EYS: variants seen among roughly 807,000 people sequenced by gnomAD.
The protein encoded by EYS is protein eyes shut homolog.
A neutral mutation model predicts 282.1 loss-of-function variants in EYS; 250 were observed. The ratio of observed to expected loss-of-function variants is 0.89; its 90% CI spans 0.80 to 0.98. The LOEUF (loss-of-function observed/expected upper bound fraction) is 0.98, where lower values mean the gene tolerates loss of function less well. Ranked by LOEUF, EYS falls within the 50% of genes least tolerant of loss-of-function variation. The pLI is 0.00. For missense variants in EYS, 4,016 were observed against 3,709.0 expected, an observed-to-expected ratio of 1.08 and a Z score of -2.15; for synonymous variants, 1,355 against 1,282.9, an observed-to-expected ratio of 1.06 and a Z score of -1.20.
At chr6:65,130,107 A>C (rs1301200196) in intron 12 of EYS, among the ~76,000 whole-genome samples, 1 of 151,722 alleles carries the variant, frequency 6.6e-6, no homozygotes, top group African/African-American at 2.4e-5. Flanking sequence ...GTTAAACATT[A>C]AGTATACATA....
At chr6:65,357,716 T>G (rs1276715585) in intron 8 of EYS, among the ~76,000 whole-genome samples, 1 of 151,986 alleles carries the variant, frequency 6.6e-6, no homozygotes, top group African/African-American at 2.4e-5. Flanking sequence ...AAGTACTATG[T>G]TTTACAAGTA....
intron 13 of EYS, among the ~76,000 whole-genome samples, chr6:65,057,218 A>G (rs1048579463): frequency 2.6e-5 from 4 of 152,092 alleles, no homozygotes; most frequent in Non-Finnish European, 5.9e-5. Context: ...TCAAAGTTGA[A>G]CACTGAAAAA....
intron 30 of EYS, among the ~76,000 whole-genome samples, chr6:64,288,621 G>T (rs1768584342): frequency 6.6e-6 from 1 of 152,070 alleles, no homozygotes; most frequent in South Asian, 2.1e-4. Context: ...TCCTCATATA[G>T]CTCTCTGTCC....
intron 31 of EYS, among the ~76,000 whole-genome samples, chr6:64,118,411 A>G (rs1187618119): frequency 6.6e-6 from 1 of 152,138 alleles, no homozygotes; most frequent in Non-Finnish European, 1.5e-5. Flanking sequence ...GATTTTTGAC[A>G]GCAGCTCCAA....
chr6:63,937,911 C>T (rs1169826891), intron 35 of EYS, among the ~76,000 whole-genome samples: 1 of 152,200 alleles, frequency 6.6e-6, no homozygotes, highest in Non-Finnish European at 1.5e-5. Context: ...GACTAAGACA[C>T]CACTTTCTGA....
intron 36 of EYS, among the ~76,000 whole-genome samples, chr6:63,856,954 A>G (rs1487029198): frequency 6.6e-6 from 1 of 152,188 alleles, no homozygotes; most frequent in Non-Finnish European, 1.5e-5. Flanking sequence ...AGTTCAGGGA[A>G]ATCTTGACAC....
chr6:64,684,097 C>A (rs1769999505), intron 22 of EYS, among the ~76,000 whole-genome samples: 2 of 152,252 alleles, frequency 1.3e-5, no homozygotes, highest in South Asian at 4.1e-4. Context: ...CCTTACAATG[C>A]ATATCTTAAG....
At chr6:65,279,391 A>G (rs776297003) in intron 12 of EYS, among the ~76,000 whole-genome samples, 5 of 152,042 alleles carry the variant, frequency 3.3e-5, no homozygotes, top group Non-Finnish European at 7.4e-5. Flanking sequence ...CTTTCTACTC[A>G]CCATATCATC....
chr6:64,496,537 A>T (rs141486119), intron 26 of EYS, among the ~76,000 whole-genome samples: 1 of 152,024 alleles, frequency 6.6e-6, no homozygotes, highest in Non-Finnish European at 1.5e-5. Context: ...ATTCTATTAT[A>T]TAAGCAGATA....
At chr6:64,238,195 A>G (rs759469562) in intron 30 of EYS, among the ~76,000 whole-genome samples, 1 of 152,150 alleles carries the variant, frequency 6.6e-6, no homozygotes, top group Admixed American at 6.6e-5. Flanking sequence ...CACAGTCACA[A>G]ATAGGATTCC....
chr6:64,070,772 A>AT lies in EYS; in HGVS notation c.6572-4282dup, dbSNP rs546137411. Among the ~76,000 whole-genome samples the AT allele has an allele frequency of 2.4e-3, 361 of 152,160 alleles. 1 individual carries two copies. Among genetic ancestry groups the AT allele is most frequent in the African/African-American group, 8.3e-3 (344 of 41,544 alleles). On this transcript the variant is annotated intron_variant, in intron 32 of 42. Coordinates refer to ENST00000503581, the MANE Select transcript of EYS (RefSeq NM_001142800.2). ...TGAATTTTATTGCATCTCTAAGGACATTTTTTTAAGTGTCCATTTTTGTTT... is the reference window on the plus strand; with the variant it reads ...TGAATTTTATTGCATCTCTAAGGACATTTTTTTTAAGTGTCCATTTTTGTTT...
intron 35 of EYS, among the ~76,000 whole-genome samples, chr6:63,967,695 A>G (rs534295304): frequency 6.6e-6 from 1 of 152,352 alleles, no homozygotes; most frequent in Admixed American, 6.5e-5. Flanking sequence ...GTAGAAATCC[A>G]TAATTAATCC....
At chr6:65,330,796 G>A (rs116079409) in intron 11 of EYS, 9 of 961,920 alleles carry the variant, frequency 9.4e-6, no homozygotes, top group East Asian at 1.2e-4. Flanking sequence ...CATTTATATC[G>A]TCATTTTACC....
At chr6:65,249,048 T>G (rs1767251899) in intron 12 of EYS, among the ~76,000 whole-genome samples, 3 of 149,088 alleles carry the variant, frequency 2.0e-5, no homozygotes, top group African/African-American at 7.4e-5. Context: ...GTAAAATGTG[T>G]CCTATAAAAC....
intron 14 of EYS, among the ~76,000 whole-genome samples, chr6:64,964,357 T>C (rs1318840328): frequency 6.6e-6 from 1 of 152,160 alleles, no homozygotes; most frequent in Non-Finnish European, 1.5e-5. Flanking sequence ...CAGCATTCCT[T>C]ATTCCTTAAA....
chr6:65,348,974 T>C (rs897943712), intron 9 of EYS, among the ~76,000 whole-genome samples: 1 of 151,674 alleles, frequency 6.6e-6, no homozygotes, highest in African/African-American at 2.4e-5. Context: ...AATATTTTTA[T>C]ACTTTCTTTT....
intron 42 of EYS, among the ~76,000 whole-genome samples, chr6:63,725,986 T>TA (rs1271776538): frequency 1.3e-5 from 2 of 152,152 alleles, no homozygotes; most frequent in Non-Finnish European, 2.9e-5. Context: ...AAGTAAAACC[T>TA]AAAAAATTAA....
intron 26 of EYS, among the ~76,000 whole-genome samples, chr6:64,578,909 T>C (rs1010238714): frequency 2.0e-5 from 3 of 152,154 alleles, no homozygotes; most frequent in Non-Finnish European, 2.9e-5. Flanking sequence ...AAAATATTGC[T>C]GATTGATGCC....
At chr6:63,859,074 A>AGTT (rs1391585533) in intron 36 of EYS, among the ~76,000 whole-genome samples, 1 of 50,482 alleles carries the variant, frequency 2.0e-5, no homozygotes, top group Non-Finnish European at 3.4e-5. Flanking sequence ...TGTCCTAGAG[A>AGTT]GTTTTTTTTT....
Sources: allele counts gnomAD v4.1 joint callset (sites outside exome capture counted in the v4.1 genomes callset), GRCh38; gene constraint gnomAD v4.1.1; transcripts MANE v1.5; gene names NCBI Gene and HGNC (gene_info 2026-07-23, HGNC 2026-07-21).